Variants in RBFOX1 observed in about 807,000 individuals in gnomAD.
RBFOX1 encodes RNA binding fox-1 homolog 1.
Under a neutral mutation model 57.7 loss-of-function variants are expected in RBFOX1, and 8 were observed. The observed-to-expected ratio is 0.14, with a 90% confidence interval of 0.08 to 0.25. The LOEUF is 0.25. Among genes scored for constraint, RBFOX1 ranks in the 10% least tolerant of loss-of-function variants. The probability of loss-of-function intolerance (pLI) is 1.00; values close to 1 mark genes in which losing one functional copy is unlikely to be tolerated. For missense variants in RBFOX1, 611 were observed against 548.5 expected (o/e 1.11, Z -1.14); for synonymous variants, 326 against 222.4 (o/e 1.47, Z -4.15).
chr16:6,679,878 G>GTTTTTTTTTTTTTTTTTTTTTTT (rs71145274), intron 3 of RBFOX1, among the ~76,000 whole-genome samples: 1 of 114,304 alleles, frequency 8.7e-6, no homozygotes, highest in African/African-American at 3.9e-5. Context: ...GTTTCTACTT[G>GTTTTTTTTTTTTTTTTTTTTTTT]TTTTTTTTTT....
intron 4 of RBFOX1, among the ~76,000 whole-genome samples, chr16:7,457,508 A>C (rs1433994769): frequency 6.6e-6 from 1 of 152,112 alleles, no homozygotes; most frequent in Non-Finnish European, 1.5e-5. Flanking sequence ...TTCTTTACTT[A>C]AGTGGTGAGA....
chr16:5,674,418 C>T (rs1258374207), intron 3 of RBFOX1, among the ~76,000 whole-genome samples: 1 of 152,126 alleles, frequency 6.6e-6, no homozygotes. Flanking sequence ...GTAGGGGTAA[C>T]ATGCCCGGGC....
chr16:6,044,432 C>A (rs1323517409), intron 1 of RBFOX1, among the ~76,000 whole-genome samples: 1 of 151,596 alleles, frequency 6.6e-6, no homozygotes, highest in African/African-American at 2.4e-5. Context: ...CTGCCCCTTC[C>A]ATATTCGCAA....
chr16:7,346,170 T>C (rs1780316159), intron 4 of RBFOX1, among the ~76,000 whole-genome samples: 1 of 152,156 alleles, frequency 6.6e-6, no homozygotes, highest in Non-Finnish European at 1.5e-5. Flanking sequence ...TCCTTTTTTA[T>C]GGATGCATAG....
chr16:5,749,788 T>C (rs138665296), intron 3 of RBFOX1, among the ~76,000 whole-genome samples: 2,743 of 151,654 alleles, frequency 0.018, 52 homozygotes, highest in South Asian at 0.033. Context: ...TCAAGGTTTT[T>C]AGCTTCTTTG....
At chr16:5,348,846 C>A (rs1238485696) in intron 1 of RBFOX1, among the ~76,000 whole-genome samples, 2 of 152,218 alleles carry the variant, frequency 1.3e-5, no homozygotes, top group African/African-American at 4.8e-5. Context: ...GTTTCCATAT[C>A]TTCACTGTTG....
chr16:6,780,401 T>C (rs1242776918), intron 3 of RBFOX1, among the ~76,000 whole-genome samples: 4 of 75,952 alleles, frequency 5.3e-5, no homozygotes, highest in Non-Finnish European at 8.2e-5. Flanking sequence ...TATATATTTT[T>C]ATATATATTT....
chr16:6,555,427 C>T (rs983000714), intron 2 of RBFOX1, among the ~76,000 whole-genome samples: 5 of 152,112 alleles, frequency 3.3e-5, no homozygotes, highest in African/African-American at 7.2e-5. Flanking sequence ...CAGCTGGGCA[C>T]GGTGGCTCAC....
chr16:7,526,826 C>T (rs1367665989), intron 5 of RBFOX1, among the ~76,000 whole-genome samples: 2 of 152,196 alleles, frequency 1.3e-5, no homozygotes, highest in Admixed American at 6.5e-5. Flanking sequence ...TAAGGCAAAT[C>T]ACTTACTGAA....
chr16:6,987,929 C>A (rs1401439865), intron 3 of RBFOX1, among the ~76,000 whole-genome samples: 3 of 151,914 alleles, frequency 2.0e-5, no homozygotes, highest in East Asian at 1.9e-4. Flanking sequence ...GGAATGAGAT[C>A]CCACAGGAAA....
chr16:5,501,277 C>T (rs1393723059), intron 2 of RBFOX1, among the ~76,000 whole-genome samples: 6 of 127,190 alleles, frequency 4.7e-5, no homozygotes. Context: ...GAGATTGCTC[C>T]ACTACATTCC....
At chr16:5,874,851 G>T (rs1449785958) in intron 4 of RBFOX1, among the ~76,000 whole-genome samples, 1 of 152,182 alleles carries the variant, frequency 6.6e-6, no homozygotes, top group East Asian at 1.9e-4. Context: ...AGGCTGAGAC[G>T]GGAGGATCAC....
rs909238282 is a variant in RBFOX1, at chr16:6,499,310, C to T, written c.-63-155293C>T. ...AAGAAATTGCCTTTTATGCACTAAT[C>T]GAGCCATTATGCCTGTTTCCTTTGG... On this transcript the variant is annotated intron_variant, in intron 2 of 15. Transcript: ENST00000550418. Among the ~76,000 whole-genome samples, 63 of 151,988 alleles carry T rather than the reference C, an allele frequency of 4.1e-4. 1 individual carries two copies. The highest frequency in any genetic ancestry group is 3.5e-4 in the Non-Finnish European group (24 of 67,990).
At chr16:6,779,987 A>G (rs376353168) in intron 3 of RBFOX1, among the ~76,000 whole-genome samples, 1 of 38,206 alleles carries the variant, frequency 2.6e-5, no homozygotes, top group Non-Finnish European at 4.0e-5. Flanking sequence ...ATATTTATAT[A>G]TTTATATATT....
At position 5,637,312 on chromosome 16, in the gene RBFOX1, C is replaced by A. The variant is rs1240531923; in HGVS notation, c.318+38351C>A. On this transcript the variant is annotated intron_variant, in intron 3 of 19. Coordinates refer to the RBFOX1 transcript ENST00000641259. ...TGTCTAGAGCAAACCCTGCCCCCTA[C>A]CCCAGTTTAAATAAGTCATGTCTTA... 4.6e-5 allele frequency among the ~76,000 whole-genome samples: 7 copies of A among 152,268 alleles called. No homozygotes were observed. In the South Asian group the frequency reaches 1.2e-3, roughly 27 times the overall value.
chr16:7,273,684 G>C (rs1042654157), intron 4 of RBFOX1, among the ~76,000 whole-genome samples: 1 of 152,192 alleles, frequency 6.6e-6, no homozygotes, highest in Non-Finnish European at 1.5e-5. Flanking sequence ...TCTGATGAAA[G>C]ATGGACCTTA....
chr16:7,351,413 A>G (rs905638113), intron 4 of RBFOX1, among the ~76,000 whole-genome samples: 10 of 152,274 alleles, frequency 6.6e-5, no homozygotes, highest in Admixed American at 2.0e-4. Context: ...TAGGAACGCA[A>G]TGAAGTCAGC....
chr16:5,307,450 G>T (rs1352693144), intron 1 of RBFOX1, among the ~76,000 whole-genome samples: 1 of 152,110 alleles, frequency 6.6e-6, no homozygotes, highest in Non-Finnish European at 1.5e-5. Context: ...TAAAACAGCA[G>T]AGAAGGATGT....
chr16:6,779,949 ATATATT>A (rs1326222788), intron 3 of RBFOX1, among the ~76,000 whole-genome samples: 32 of 72,708 alleles, frequency 4.4e-4, no homozygotes, highest in Non-Finnish European at 5.2e-4. Context: ...ATATATATTT[ATATATT>A]TATATATTTA....
Sources: allele counts gnomAD v4.1 joint callset (sites outside exome capture counted in the v4.1 genomes callset), GRCh38; gene constraint gnomAD v4.1.1; transcripts MANE v1.5; gene names NCBI Gene and HGNC (gene_info 2026-07-23, HGNC 2026-07-21).